Variants in ASAP1 observed in about 807,000 individuals in gnomAD.
ASAP1 encodes ArfGAP with SH3 domain, ankyrin repeat and PH domain 1, also known as arf-GAP with SH3 domain, ANK repeat and PH domain-containing protein 1.
A neutral mutation model predicts 145.2 loss-of-function variants in ASAP1; 43 were observed. The ratio of observed to expected loss-of-function variants is 0.30; its 90% confidence interval spans 0.23 to 0.38. The LOEUF (loss-of-function observed/expected upper bound fraction) is 0.38, where lower values mean the gene tolerates loss of function less well. ASAP1 is among the 10% of genes least tolerant of loss of function. The pLI is 1.00. For synonymous variants in ASAP1, 546 were observed against 515.5 expected (o/e 1.06, Z -0.80); for missense variants, 1,018 against 1,355.3 (o/e 0.75, Z 3.91).
chr8:130,228,014 T>C (rs1034804267), intron 4 of ASAP1, among the ~76,000 whole-genome samples: 3 of 152,172 alleles, frequency 2.0e-5, no homozygotes, highest in African/African-American at 7.2e-5. Context: ...AAATGCAGTA[T>C]TGTTAGACAC....
intron 27 of ASAP1, among the ~76,000 whole-genome samples, chr8:130,066,916 T>C (rs1200258317): frequency 6.6e-6 from 1 of 152,194 alleles, no homozygotes; most frequent in Admixed American, 6.5e-5. Flanking sequence ...GTACAGGCCC[T>C]TTCCCAAAGC....
chr8:130,327,334 T>C (rs1824400800), intron 3 of ASAP1, among the ~76,000 whole-genome samples: 1 of 152,190 alleles, frequency 6.6e-6, no homozygotes, highest in Admixed American at 6.6e-5. Context: ...GCTGCTGTTA[T>C]TCCCTGAACA....
chr8:130,227,151 T>C (rs913284469), intron 4 of ASAP1, among the ~76,000 whole-genome samples: 1 of 152,212 alleles, frequency 6.6e-6, no homozygotes, highest in African/African-American at 2.4e-5. Flanking sequence ...ATAAATTATA[T>C]GTAAAATCGA....
intron 2 of ASAP1, among the ~76,000 whole-genome samples, chr8:130,367,923 A>G (rs957068939): frequency 6.6e-6 from 1 of 152,212 alleles, no homozygotes; most frequent in African/African-American, 2.4e-5. Context: ...TAACCATGTC[A>G]AATGTAGGGC....
chr8:130,332,594 T>C (rs1485075570), intron 3 of ASAP1, among the ~76,000 whole-genome samples: 1 of 152,228 alleles, frequency 6.6e-6, no homozygotes. Flanking sequence ...TATTCCAGAA[T>C]GCAAAACAAC....
intron 5 of ASAP1, among the ~76,000 whole-genome samples, chr8:130,197,049 C>A (rs1023894042): frequency 3.3e-5 from 5 of 152,230 alleles, no homozygotes; most frequent in Non-Finnish European, 1.5e-5. Flanking sequence ...TCCCGGCCTG[C>A]GTGAACTGGG....
At chr8:130,198,727 G>A (rs747544085) in intron 5 of ASAP1, among the ~76,000 whole-genome samples, 1 of 152,196 alleles carries the variant, frequency 6.6e-6, no homozygotes, top group Non-Finnish European at 1.5e-5. Flanking sequence ...AGTGAGTAAA[G>A]CAGATGATCA....
At chr8:130,267,690 T>C (rs1240573502) in intron 3 of ASAP1, among the ~76,000 whole-genome samples, 1 of 152,226 alleles carries the variant, frequency 6.6e-6, no homozygotes, top group Non-Finnish European at 1.5e-5. Context: ...TATAAAAGCA[T>C]TGTGGTCAGG....
At chr8:130,232,357 G>A (rs1817955173) in intron 4 of ASAP1, among the ~76,000 whole-genome samples, 1 of 152,158 alleles carries the variant, frequency 6.6e-6, no homozygotes, top group African/African-American at 2.4e-5. Flanking sequence ...GCGAAGGAGG[G>A]AGAAAATGGG....
At chr8:130,090,152 G>A (rs982905197) in intron 25 of ASAP1, among the ~76,000 whole-genome samples, 1 of 152,168 alleles carries the variant, frequency 6.6e-6, no homozygotes, top group Non-Finnish European at 1.5e-5. Flanking sequence ...CTTGAGTGAT[G>A]TGAAAATCTA....
At chr8:130,385,129 G>A (rs1827950984) in intron 2 of ASAP1, among the ~76,000 whole-genome samples, 2 of 152,156 alleles carry the variant, frequency 1.3e-5, no homozygotes, top group African/African-American at 4.8e-5. Context: ...CCCAGAGGCA[G>A]AAGGCACGTT....
rs1449199491 is a variant in ASAP1 at position 130,128,054 on chromosome 8, G to C, written c.1254C>G (p.Ala418=). The part of the protein sequence containing the change: ...ISVLTNSKEE[A]LTMAFRGEQS... ...GCTCTCCACGGAAGGCCATGGTTAGGGCCTCTTCTTTGCTATTTGTCAATA... is the reference window on the plus strand; with the variant it reads ...GCTCTCCACGGAAGGCCATGGTTAGCGCCTCTTCTTTGCTATTTGTCAATA... The change falls in exon 16 of 30, where the codon GCC becomes GCG. Residue 418 remains alanine, a synonymous_variant. Coordinates refer to ENST00000518721, the MANE Select transcript of ASAP1 (RefSeq NM_018482.4). 6.2e-7 allele frequency: 1 copy of C among 1,610,708 alleles called. No homozygotes were observed. Among genetic ancestry groups the C allele is most frequent in the Non-Finnish European group, 8.5e-7 (1 of 1,178,816 alleles).
chr8:130,272,717 A>G (rs949532726), intron 3 of ASAP1, among the ~76,000 whole-genome samples: 4 of 152,224 alleles, frequency 2.6e-5, no homozygotes, highest in Admixed American at 2.0e-4. Context: ...ATAGAACTGG[A>G]TGTCACTATG....
At chr8:130,371,359 T>A (rs1827205722) in intron 2 of ASAP1, among the ~76,000 whole-genome samples, 1 of 152,220 alleles carries the variant, frequency 6.6e-6, no homozygotes, top group African/African-American at 2.4e-5. Context: ...AACCGCACTC[T>A]CTGTACAAAT....
At chr8:130,109,143 C>T (rs150652479) in intron 24 of ASAP1, among the ~76,000 whole-genome samples, 8 of 152,202 alleles carry the variant, frequency 5.3e-5, no homozygotes, top group Non-Finnish European at 1.0e-4. Context: ...TGATCACAAA[C>T]GAGAAACTAC....
At chr8:130,410,932 C>G (rs1030630004) in intron 1 of ASAP1, among the ~76,000 whole-genome samples, 6 of 152,224 alleles carry the variant, frequency 3.9e-5, no homozygotes, top group Non-Finnish European at 5.9e-5. Flanking sequence ...GTAATCTCCG[C>G]TCACTGCAAC....
chr8:130,245,158 G>C (rs1818773537), intron 3 of ASAP1, among the ~76,000 whole-genome samples: 2 of 152,110 alleles, frequency 1.3e-5, no homozygotes, highest in East Asian at 3.9e-4. Flanking sequence ...AGTTGATTGA[G>C]GCTGCCATGA....
intron 27 of ASAP1, 57 bp from the exon 28 acceptor site, chr8:130,061,126 A>C: frequency 6.6e-7 from 1 of 1,515,202 alleles, no homozygotes; most frequent in Non-Finnish European, 8.8e-7. Context: ...CTTTCCTGTC[A>C]GTCACCTAAA....
chr8:130,088,875 T>TA (rs1404320640), intron 25 of ASAP1, among the ~76,000 whole-genome samples: 2 of 152,228 alleles, frequency 1.3e-5, no homozygotes, highest in African/African-American at 4.8e-5. Context: ...CAGACACTAT[T>TA]ACTAGCCCCA....
Sources: allele counts gnomAD v4.1 joint callset (sites outside exome capture counted in the v4.1 genomes callset), GRCh38; gene constraint gnomAD v4.1.1; transcripts MANE v1.5; gene names NCBI Gene and HGNC (gene_info 2026-07-23, HGNC 2026-07-21).